SPINK5: variants seen among roughly 807,000 people sequenced by gnomAD.
SPINK5 encodes serine protease inhibitor Kazal-type 5.
In SPINK5, 125 loss-of-function variants were observed where a neutral mutation model predicts 151.8. The observed-to-expected ratio is 0.82, with a 90% CI of 0.71 to 0.96. The LOEUF is 0.96. Among genes scored for constraint, SPINK5 ranks in the 40% least tolerant of loss-of-function variants. SPINK5 has a pLI of 0.00. For missense variants in SPINK5, 1,194 were observed against 1,291.9 expected (o/e 0.92, Z 1.16); for synonymous variants, 374 against 395.3 (o/e 0.95, Z 0.64).
At chr5:148,076,095 T>C (rs1752873798) in intron 4 of SPINK5, among the ~76,000 whole-genome samples, 1 of 151,728 alleles carries the variant, frequency 6.6e-6, no homozygotes, top group Non-Finnish European at 1.5e-5. Context: ...ACACAAAATG[T>C]CCCAGTGAGA....
intron 27 of SPINK5, among the ~76,000 whole-genome samples, chr5:148,124,468 G>C (rs1035864373): frequency 6.6e-6 from 1 of 152,120 alleles, no homozygotes; most frequent in Non-Finnish European, 1.5e-5. Context: ...TTCTAGATGA[G>C]AGTCTTAAGT....
At chr5:148,067,415 G>A (rs1232146216) in intron 2 of SPINK5, among the ~76,000 whole-genome samples, 1 of 152,128 alleles carries the variant, frequency 6.6e-6, no homozygotes, top group Non-Finnish European at 1.5e-5. Context: ...GTAAACAGGT[G>A]CTGAAAAGTC....
Position 148,104,970 on chromosome 5 carries a change from A to G in SPINK5, c.1449A>G (p.Ala483=). 1 of 1,613,918 alleles carries G rather than the reference A, an allele frequency of 6.2e-7. No individual in the cohort carries two copies. ...CEAFFQQEER[A]RAKAKREAAK... ...CTTAAAGTCAACAAGAAGAAAGAGCAAGAGCAAAGGCTAAAAGAGAAGCTG... is the reference window on the plus strand; with the variant it reads ...CTTAAAGTCAACAAGAAGAAAGAGCGAGAGCAAAGGCTAAAAGAGAAGCTG... The change falls in exon 16 of 33, where the codon GCA becomes GCG. Residue 483 remains alanine (A), a synonymous_variant. Coordinates refer to ENST00000256084, the MANE Select transcript of SPINK5 (RefSeq NM_006846.4).
intron 4 of SPINK5, among the ~76,000 whole-genome samples, chr5:148,072,743 C>T (rs1272455455): frequency 6.6e-6 from 1 of 151,528 alleles, no homozygotes; most frequent in Non-Finnish European, 1.5e-5. Flanking sequence ...TACTCTTTTG[C>T]TTTTTACTGT....
chr5:148,132,095 A>C lies in SPINK5; in HGVS notation c.3095+706A>C, dbSNP rs571788795. 3.1e-4 allele frequency among the ~76,000 whole-genome samples: 47 copies of C among 152,228 alleles called. 1 individual carries two copies. The highest frequency in any genetic ancestry group is 1.1e-3 in the African/African-American group (46 of 41,504). On this transcript the variant is annotated intron_variant, in intron 31 of 32. Transcript: ENST00000256084. ...AAGTTAAATACAAGGGATTCATTTT[A>C]ATACTCTTATTATTGGCTTTAGTTT...
At chr5:148,094,623 T>A (rs144115075) in intron 9 of SPINK5, 142 bp downstream of exon 9, 1 of 1,299,504 alleles carries the variant, frequency 7.7e-7, no homozygotes, top group Admixed American at 2.0e-5. Context: ...CAAATCATAA[T>A]GCCACCTAGT....
chr5:148,078,778 C>T (rs75203019), intron 4 of SPINK5, among the ~76,000 whole-genome samples: 2,878 of 150,694 alleles, frequency 0.019, 80 homozygotes, highest in African/African-American at 0.067. Flanking sequence ...CTGGACTTGT[C>T]TAAAGCACTT....
Position 148,091,156 on chromosome 5 carries a change from T to G in SPINK5, c.603-9T>G. On this transcript the variant is annotated splice_polypyrimidine_tract_variant and intron_variant, in intron 7 of 32. Coordinates refer to ENST00000256084, the MANE Select transcript of SPINK5 (RefSeq NM_006846.4). ...CATAAACTGACCAACTGTTTACTTT[T>G]CTTAACAGTTTAAAAGAAGCTGAAA... 6.2e-7 allele frequency: 1 copy of G among 1,609,586 alleles called. No individual in the cohort carries two copies. Among genetic ancestry groups the G allele is most frequent in the South Asian group, 1.1e-5 (1 of 90,862 alleles).
At chr5:148,064,726 A>G (rs574858178) in intron 1 of SPINK5, among the ~76,000 whole-genome samples, 1 of 152,248 alleles carries the variant, frequency 6.6e-6, no homozygotes, top group African/African-American at 2.4e-5. Context: ...TAAAAAGAGA[A>G]ACTCATAGAT....
intron 4 of SPINK5, among the ~76,000 whole-genome samples, chr5:148,073,837 C>G (rs1420265057): frequency 6.8e-6 from 1 of 146,300 alleles, no homozygotes; most frequent in South Asian, 2.2e-4. Flanking sequence ...CACACACACA[C>G]ACACACACAC....
chr5:148,101,999 C>T, intron 15 of SPINK5, 91 bp downstream of exon 15: 1 of 1,574,494 alleles, frequency 6.4e-7, no homozygotes, highest in Non-Finnish European at 8.7e-7. Flanking sequence ...AATGCATTTT[C>T]TTCTTCAGTG....
In SPINK5 at chr5:148,131,473, A is replaced by C; in HGVS notation, c.3095+84A>C. 3 of 1,580,134 alleles carry C rather than the reference A, an allele frequency of 1.9e-6. No individual in the cohort carries two copies. The Admixed American group carries it at 5.0e-5, about 26-fold the overall frequency. ...TAACCCATAGTAATGCACTGATATA[A>C]ATTCGAAATGTGTTGCAAGTAATTT... is the stretch of plus-strand genomic sequence containing the variant. On this transcript the variant is annotated intron_variant, in intron 31 of 32. Transcript: ENST00000256084.
intron 6 of SPINK5, chr5:148,089,000 T>C (rs1241596167): frequency 2.2e-6 from 1 of 462,856 alleles, no homozygotes; most frequent in African/African-American, 2.0e-5. Flanking sequence ...ACTAAATAGA[T>C]TTTTTTTCTA....
chr5:148,106,010 TCTTA>T (rs1476104897), intron 16 of SPINK5, among the ~76,000 whole-genome samples: 2 of 152,090 alleles, frequency 1.3e-5, no homozygotes, highest in Non-Finnish European at 2.9e-5. Context: ...AAATTTGCCT[TCTTA>T]CTGACTCTTT....
chr5:148,131,441 A>G (rs780610257), intron 31 of SPINK5, 52 bp downstream of exon 31: 2 of 1,610,930 alleles, frequency 1.2e-6, no homozygotes, highest in African/African-American at 2.7e-5. Context: ...TTTCTCAGCT[A>G]GAGTGTTAAC....
chr5:148,132,189 CTA>C (rs2113236225), intron 31 of SPINK5, among the ~76,000 whole-genome samples: 1 of 152,284 alleles, frequency 6.6e-6, no homozygotes, highest in South Asian at 2.1e-4. Context: ...CCCCTTGTCT[CTA>C]TATGCATCCC....
chr5:148,075,774 T>C (rs1055417811), intron 4 of SPINK5, among the ~76,000 whole-genome samples: 5 of 151,794 alleles, frequency 3.3e-5, no homozygotes, highest in Non-Finnish European at 7.4e-5. Context: ...TGCTCAGGGA[T>C]ATTCCCATTT....
chr5:148,104,399 A>G (rs1469167158), intron 15 of SPINK5, among the ~76,000 whole-genome samples: 1 of 152,222 alleles, frequency 6.6e-6, no homozygotes, highest in Non-Finnish European at 1.5e-5. Flanking sequence ...ATTGCAGTAC[A>G]TATACTGGGA....
chr5:148,068,768 C>G (rs1458165750), intron 2 of SPINK5, among the ~76,000 whole-genome samples: 1 of 151,840 alleles, frequency 6.6e-6, no homozygotes, highest in Non-Finnish European at 1.5e-5. Flanking sequence ...CAAAAAACAA[C>G]AAAAATCCCC....
Sources: gnomAD v4.1 joint callset for allele counts (sites outside exome capture counted in the v4.1 genomes callset) on GRCh38, gnomAD v4.1.1 for gene constraint, MANE v1.5 for transcripts, NCBI Gene and HGNC (gene_info 2026-07-23, HGNC 2026-07-21) for gene names.